The following RBBP5 variants were observed in gnomAD, a reference collection of about 807,000 sequenced individuals.
RBBP5 encodes retinoblastoma-binding protein 5.
A neutral mutation model predicts 72.2 loss-of-function variants in RBBP5; 5 were observed. The ratio of observed to expected loss-of-function variants is 0.07; its 90% CI spans 0.04 to 0.15. RBBP5 has a LOEUF of 0.15. Among genes scored for constraint, RBBP5 ranks in the 10% least tolerant of loss-of-function variants. RBBP5 has a pLI of 1.00. For synonymous variants in RBBP5, 209 were observed against 237.2 expected (o/e 0.88, Z 1.09); for missense variants, 322 against 652.2 (o/e 0.49, Z 5.51).
At chr1:205,093,527 TATATATACACAC>T (rs1214998556) in intron 13 of RBBP5, among the ~76,000 whole-genome samples, 8 of 9,820 alleles carry the variant, frequency 8.1e-4, no homozygotes, top group African/African-American at 4.2e-3. Context: ...TATATATATA[TATATATACACAC>T]ACACACACAC....
intron 13 of RBBP5, among the ~76,000 whole-genome samples, chr1:205,090,371 G>A (rs1258807357): frequency 6.6e-6 from 1 of 152,172 alleles, no homozygotes; most frequent in East Asian, 1.9e-4. Flanking sequence ...ATTAGTAATA[G>A]GCACTCAAGA....
rs1655223628 is a variant in RBBP5, at chr1:205,088,796, T to G, written c.1608A>C (p.Glu536Asp). 1.9e-6 allele frequency: 3 copies of G among 1,594,696 alleles called. No homozygotes were observed. Among genetic ancestry groups the G allele is most frequent in the African/African-American group, 2.7e-5 (2 of 73,620 alleles). ...QPLTAGGAIS[E>D]LL is the part of the protein sequence containing the mutation. ...AGAACTTCGAAGGTCTTCATAACAG[T>G]TCTGAGATTGCTCCTCCTGCTAAAG... The change falls in exon 14 of 14, where the codon GAA becomes GAC. Residue 536 changes from glutamate to aspartate, a missense_variant. By Grantham distance (45) the Glu-to-Asp change is conservative (BLOSUM62 2). Around this residue, in one of 6 missense-constraint regions of RBBP5, gnomAD observed 109 missense variants for 146.3 expected, o/e 0.75. Coordinates refer to ENST00000264515, the MANE Select transcript of RBBP5 (RefSeq NM_005057.4).
Position 205,096,712 on chromosome 1 carries a change from T to G in RBBP5, c.1366A>C (p.Asn456His). 6.2e-7 allele frequency: 1 copy of G among 1,614,160 alleles called. No homozygotes were observed. The highest frequency in any genetic ancestry group is 8.5e-7 in the Non-Finnish European group (1 of 1,180,028). The change falls in exon 12 of 14, where the codon AAT becomes CAT. Residue 456 changes from asparagine to histidine, a missense_variant. Physicochemically the swap from Asn to His is moderately conservative, Grantham distance 68. Transcript: ENST00000264515. ...QPPKKKPKTTNIELQGVPNDE... is the reference protein window; with the variant it reads ...QPPKKKPKTTHIELQGVPNDE... The stretch of plus-strand genomic sequence containing the variant: ...TTTGGTACTCCTTGAAGTTCTATAT[T>G]GGTTGTTTTGGGTTTCTTCTTAGGT...
rs769792210 is a variant in RBBP5, at chr1:205,094,864, T to C, written c.1588+9A>G. Reference sequence around the variant, plus strand: ...AGCAAGCCAGACAATGCTCCCAATGTGTCCTTACCTGTCAAGGGCTGGCTG... The same window carrying C: ...AGCAAGCCAGACAATGCTCCCAATGCGTCCTTACCTGTCAAGGGCTGGCTG... On this transcript the variant is annotated intron_variant, in intron 13 of 13. Transcript: ENST00000264515. 4.7e-5 allele frequency: 75 copies of C among 1,605,420 alleles called. No homozygotes were observed. In the South Asian group the frequency reaches 7.7e-4, roughly 16 times the overall value.
intron 1 of RBBP5, among the ~76,000 whole-genome samples, chr1:205,117,478 T>C (rs941244456): frequency 6.6e-6 from 1 of 151,562 alleles, no homozygotes; most frequent in Non-Finnish European, 1.5e-5. Context: ...CTGACCAACA[T>C]GGAGAAACCC....
At position 205,114,897 on chromosome 1, in the gene RBBP5, G is replaced by A; in HGVS notation, c.110C>T (p.Thr37Ile). Residue 37 changes from threonine (T) to isoleucine (I), a missense_variant, in exon 3 of 14, where the codon ACA becomes ATA. Coordinates refer to ENST00000264515, the MANE Select transcript of RBBP5 (RefSeq NM_005057.4). ...ATCATTACAGCCAACTGCAAGCAGT[G>A]TGCCCCACCTGTTAAAGGTGCAAGT... ...ALTCTFNRWG[T>I]LLAVGCNDGR... The A allele has an allele frequency of 6.3e-7, 1 of 1,590,636 alleles. No homozygotes were observed. The highest frequency in any genetic ancestry group is 8.6e-7 in the Non-Finnish European group (1 of 1,165,646).
chr1:205,097,272 C>G (rs1169109679), intron 11 of RBBP5, 54 bp downstream of exon 11: 2 of 1,507,518 alleles, frequency 1.3e-6, no homozygotes, highest in South Asian at 2.4e-5. Context: ...GAGTACTCCC[C>G]CAGAGGCCAG....
chr1:205,104,603 G>A (rs1388925664), intron 4 of RBBP5, among the ~76,000 whole-genome samples: 7 of 152,064 alleles, frequency 4.6e-5, no homozygotes, highest in Admixed American at 2.0e-4. Flanking sequence ...AGCACTTTGG[G>A]AGGCTGAGGT....
chr1:205,098,660 A>G (rs1655705312), intron 10 of RBBP5, among the ~76,000 whole-genome samples: 1 of 152,110 alleles, frequency 6.6e-6, no homozygotes, highest in Non-Finnish European at 1.5e-5. Context: ...CCTGGCCAAC[A>G]TGGGGAAACC....
rs976477130 is a variant in RBBP5 at position 205,097,354 on chromosome 1, C to T, written c.1138G>A (p.Val380Met). 3.9e-6 allele frequency: 6 copies of T among 1,552,282 alleles called. No homozygotes were observed. The highest frequency in any genetic ancestry group is 2.4e-5 in the East Asian group (1 of 41,054). ...AEDEEVDVTS[V>M]DPIAAFCSSD... ...CTACAGAAGGCAGCAATAGGGTCCACGCTGGTGACATCCACTTCCTCATCT... is the reference window on the plus strand; with the variant it reads ...CTACAGAAGGCAGCAATAGGGTCCATGCTGGTGACATCCACTTCCTCATCT... The change falls in exon 11 of 14, where the codon GTG (valine) becomes ATG (methionine). Residue 380 changes from valine (V) to methionine (M), a missense_variant. Around this residue, in one of 6 missense-constraint regions of RBBP5, gnomAD observed 30 missense variants for 82.1 expected, o/e 0.37. Coordinates refer to ENST00000264515, the MANE Select transcript of RBBP5 (RefSeq NM_005057.4).
At chr1:205,103,236 A>C (rs977557527) in intron 5 of RBBP5, among the ~76,000 whole-genome samples, 2 of 151,712 alleles carry the variant, frequency 1.3e-5, no homozygotes, top group South Asian at 4.1e-4. Context: ...AAAAAAAAAA[A>C]AAAAAAGGAA....
chr1:205,117,206 C>T (rs1252260874), intron 1 of RBBP5, among the ~76,000 whole-genome samples: 1 of 151,996 alleles, frequency 6.6e-6, no homozygotes, highest in South Asian at 2.1e-4. Context: ...AGGCATGTGG[C>T]ACCATGCCCG....
chr1:205,105,231 A>T, intron 3 of RBBP5, 63 bp from the exon 4 acceptor site: 1 of 1,550,752 alleles, frequency 6.4e-7, no homozygotes, highest in South Asian at 1.1e-5. Flanking sequence ...TCTCATGAAT[A>T]AACTGTGTAA....
intron 1 of RBBP5, among the ~76,000 whole-genome samples, chr1:205,121,502 A>T (rs756603281): frequency 1.8e-4 from 27 of 152,206 alleles, no homozygotes; most frequent in Non-Finnish European, 3.2e-4. Flanking sequence ...ATTCCCTGAC[A>T]AGTCTTCAAA....
chr1:205,098,933 A>T, intron 10 of RBBP5, 56 bp downstream of exon 10: 1 of 1,135,254 alleles, frequency 8.8e-7, no homozygotes, highest in Non-Finnish European at 1.2e-6. Context: ...GAAGAATATT[A>T]AGTAAAGCAA....
chr1:205,113,366 G>T (rs1244361511), intron 3 of RBBP5, among the ~76,000 whole-genome samples: 1 of 150,620 alleles, frequency 6.6e-6, no homozygotes, highest in Non-Finnish European at 1.5e-5. Context: ...TTACAGCCTA[G>T]AACTCCTGTG....
At chr1:205,091,693 C>T (rs542887390) in intron 13 of RBBP5, 1 of 152,296 alleles carries the variant, frequency 6.6e-6, no homozygotes, top group South Asian at 2.1e-4. Flanking sequence ...CAGATATTAA[C>T]AAACAGTTGT....
At position 205,096,764 on chromosome 1, in the gene RBBP5, C is replaced by T. The variant is rs765264030; in HGVS notation, c.1314G>A (p.Arg438=). The change falls in exon 12 of 14, where the codon AGG becomes AGA. Residue 438 remains arginine, a synonymous_variant. Coordinates refer to ENST00000264515, the MANE Select transcript of RBBP5 (RefSeq NM_005057.4). ...MDEGASSEKK[R]QSSADGSQPP... ...GCTGGGACCCATCTGCTGAGGACTG[C>T]CTCTTCTTCTCTGAACTAGCCCCTT... 2.5e-6 allele frequency: 4 copies of T among 1,614,160 alleles called. No homozygotes were observed. The highest frequency in any genetic ancestry group is 3.4e-6 in the Non-Finnish European group (4 of 1,180,040).
At chr1:205,090,248 T>A (rs1655290639) in intron 13 of RBBP5, among the ~76,000 whole-genome samples, 1 of 152,198 alleles carries the variant, frequency 6.6e-6, no homozygotes, top group African/African-American at 2.4e-5. Context: ...TCACCAACTA[T>A]TCCCACAGGT....
Sources: gnomAD v4.1 joint callset for allele counts (sites outside exome capture counted in the v4.1 genomes callset) on GRCh38, gnomAD v4.1.1 for gene constraint, gnomAD v4.1.1 regional missense constraint, MANE v1.5 for transcripts, NCBI Gene and HGNC (gene_info 2026-07-23, HGNC 2026-07-21) for gene names.